DNM1L: variants seen among roughly 807,000 people sequenced by gnomAD.
The protein encoded by DNM1L is dynamin-1-like protein.
Under a neutral mutation model 92.8 loss-of-function variants are expected in DNM1L, and 33 were observed. The observed-to-expected ratio is 0.36, with a 90% confidence interval of 0.27 to 0.48. The LOEUF (loss-of-function observed/expected upper bound fraction) is 0.48. Among genes scored for constraint, DNM1L ranks in the 20% least tolerant of loss-of-function variants. The pLI is 0.99. For synonymous variants in DNM1L, 284 were observed against 305.0 expected, an observed-to-expected ratio of 0.93 and a Z score of 0.72; for missense variants, 485 against 888.8, an observed-to-expected ratio of 0.55 and a Z score of 5.78.
chr12:32,740,524 T>G lies in DNM1L; in HGVS notation c.1994+6T>G. 593 of 1,592,920 alleles carry G rather than the reference T, an allele frequency of 3.7e-4. No individual in the cohort carries two copies. Among genetic ancestry groups the G allele is most frequent in the Non-Finnish European group, 4.6e-4 (537 of 1,162,070 alleles). On this transcript the variant is annotated splice_donor_region_variant and intron_variant, in intron 18 of 19. Transcript: ENST00000549701. ...AGAAAGAATATTCAAGACAGGTTAG[T>G]ATTACTTAATATAAATGACGGACTT...
At chr12:32,679,519 C>T (rs1005980990) in intron 1 of DNM1L, 54 bp downstream of exon 1, 20 of 1,544,266 alleles carry the variant, frequency 1.3e-5, no homozygotes, top group African/African-American at 2.7e-5. Context: ...CAGGCCTGGT[C>T]GGTGCTGCGG....
chr12:32,737,867 T>C lies in DNM1L; in HGVS notation c.1599T>C (p.Ser533=). The change falls in exon 15 of 20, where the codon TCT becomes TCC. Residue 533 remains serine (S), a splice_region_variant and synonymous_variant. Transcript: ENST00000549701. ...ELPSAVSRDK[S]SKVPSALAPA... The stretch of plus-strand genomic sequence containing the variant: ...CCCCCTGGATTTTTTGCCTTTAGTC[T>C]TCTAAAGTTCCAAGTGCTTTGGCAC... 6.2e-7 allele frequency: 1 copy of C among 1,614,052 alleles called. No homozygotes were observed. Among genetic ancestry groups the C allele is most frequent in the Non-Finnish European group, 8.5e-7 (1 of 1,179,938 alleles).
intron 8 of DNM1L, among the ~76,000 whole-genome samples, chr12:32,721,872 A>G (rs1294652731): frequency 6.6e-6 from 1 of 152,164 alleles, no homozygotes; most frequent in African/African-American, 2.4e-5. Flanking sequence ...GAGGTCAGGG[A>G]AACACTACTT....
chr12:32,694,417 T>C (rs1158162100), intron 1 of DNM1L, among the ~76,000 whole-genome samples: 1 of 152,218 alleles, frequency 6.6e-6, no homozygotes, highest in Non-Finnish European at 1.5e-5. Flanking sequence ...CAGGGTCAAA[T>C]AATATGTGGT....
chr12:32,721,196 A>G (rs1360319205), intron 8 of DNM1L, among the ~76,000 whole-genome samples: 1 of 152,182 alleles, frequency 6.6e-6, no homozygotes, highest in Non-Finnish European at 1.5e-5. Flanking sequence ...AAGAAATAGA[A>G]TGTCTTTTAT....
rs1376819522 is a variant in DNM1L at position 32,744,220 on chromosome 12, C to CTTAA, written c.*813_*816dup. 1 of 152,196 alleles carries CTTAA rather than the reference C, an allele frequency of 6.6e-6. No homozygotes were observed. Among genetic ancestry groups the CTTAA allele is most frequent in the Non-Finnish European group, 1.5e-5 (1 of 68,076 alleles). The allele number at this position is 152,196 out of a possible 1,614,324, so 9.4% of individuals were successfully genotyped here. On this transcript the variant is annotated 3_prime_UTR_variant, in exon 20 of 20. Coordinates refer to ENST00000549701, the MANE Select transcript of DNM1L (RefSeq NM_012062.5). ...AAATCAAATGATGACCTAAATTTCC[C>CTTAA]TTAATTTGCAAATACAGTAGTAATT...
At chr12:32,725,030 AATGAAC>A (rs2137469001) in intron 9 of DNM1L, among the ~76,000 whole-genome samples, 1 of 152,060 alleles carries the variant, frequency 6.6e-6, no homozygotes, top group East Asian at 1.9e-4. Flanking sequence ...CCCCAAAGAA[AATGAAC>A]TTTAATTTTT....
At chr12:32,704,993 A>G (rs1253518957) in intron 2 of DNM1L, among the ~76,000 whole-genome samples, 3 of 147,894 alleles carry the variant, frequency 2.0e-5, no homozygotes. Context: ...CAGATATCTC[A>G]GGCAAAGTTT....
chr12:32,711,627 G>A (rs1004136566), intron 5 of DNM1L, among the ~76,000 whole-genome samples: 15 of 151,988 alleles, frequency 9.9e-5, no homozygotes, highest in African/African-American at 3.6e-4. Flanking sequence ...TGGTGCAGTG[G>A]CTTATCCTGT....
At chr12:32,735,809 G>A (rs899284005) in intron 13 of DNM1L, among the ~76,000 whole-genome samples, 14 of 152,008 alleles carry the variant, frequency 9.2e-5, no homozygotes, top group African/African-American at 2.2e-4. Flanking sequence ...TCCAGGAGGC[G>A]GAGGTTGCAG....
chr12:32,686,335 C>T (rs1284140062), intron 1 of DNM1L, among the ~76,000 whole-genome samples: 2 of 152,182 alleles, frequency 1.3e-5, no homozygotes, highest in African/African-American at 4.8e-5. Flanking sequence ...GTGTGAGCCA[C>T]TGTGCCCAGC....
chr12:32,727,457 G>C (rs1042165394), intron 9 of DNM1L: 7 of 658,000 alleles, frequency 1.1e-5, no homozygotes, highest in Non-Finnish European at 1.9e-5. Context: ...GGCAGCAGTG[G>C]TGGTGGGGAG....
chr12:32,716,723 T>TA (rs964968746), intron 6 of DNM1L, among the ~76,000 whole-genome samples: 10 of 141,324 alleles, frequency 7.1e-5, no homozygotes, highest in African/African-American at 2.7e-4. Context: ...ATATATAGAG[T>TA]ATATATACAC....
intron 9 of DNM1L, chr12:32,727,441 A>G (rs1954223398): frequency 1.4e-6 from 1 of 702,742 alleles, no homozygotes; most frequent in Non-Finnish European, 2.6e-6. Context: ...GCAGGCAGTG[A>G]CTCAGGGCAG....
At position 32,737,902 on chromosome 12, in the gene DNM1L, A is replaced by AGGAGCCCTCCCC. The variant is rs776271131; in HGVS notation, c.1635_1646dup (p.Glu546_Pro549dup). The AGGAGCCCTCCCC allele has an allele frequency of 1.9e-6, 3 of 1,613,960 alleles. No homozygotes were observed. In the Admixed American group the frequency reaches 5.0e-5, roughly 27 times the overall value. Reference sequence around the variant, plus strand: ...CCAAGTGCTTTGGCACCTGCCTCCCAGGAGCCCTCCCCCGCTGCTTCTGCT... The same window carrying AGGAGCCCTCCCC: ...CCAAGTGCTTTGGCACCTGCCTCCCAGGAGCCCTCCCCGGAGCCCTCCCCCGCTGCTTCTGCT... On this transcript the variant is annotated inframe_insertion, in exon 15 of 20. Transcript: ENST00000549701.
chr12:32,705,604 T>C (rs546962001), intron 2 of DNM1L: 48 of 435,264 alleles, frequency 1.1e-4, no homozygotes, highest in South Asian at 6.8e-4. Flanking sequence ...AAAAATATTA[T>C]ATACATCCCT....
intron 6 of DNM1L, among the ~76,000 whole-genome samples, chr12:32,714,707 T>G (rs185042927): frequency 7.2e-5 from 11 of 152,126 alleles, no homozygotes; most frequent in Admixed American, 4.6e-4. Flanking sequence ...TAAAGTAGAC[T>G]GGGCTCAGTG....
Position 32,679,667 on chromosome 12 carries a change from G to A in DNM1L, c.102+202G>A, listed in dbSNP as rs1383954812. ...CGGGGCAGCGTTGCATCAAGGCGGA[G>A]AATCCGGGGCCCGGCCAGGGGCGGA... On this transcript the variant is annotated intron_variant, in intron 1 of 19. Transcript: ENST00000549701. 8 of 1,277,496 alleles carry A rather than the reference G, an allele frequency of 6.3e-6. No homozygotes were observed. In the African/African-American group the frequency reaches 9.4e-5, roughly 15 times the overall value. 79.1% of individuals were successfully genotyped at this position (1,277,496 alleles called of 1,614,324 possible). A position where few individuals can be genotyped will look rare whatever the true frequency, so the allele number is the denominator to read the frequency against.
At chr12:32,717,771 T>G (rs1236361564) in intron 6 of DNM1L, among the ~76,000 whole-genome samples, 3 of 121,252 alleles carry the variant, frequency 2.5e-5, no homozygotes, top group Non-Finnish European at 4.8e-5. Flanking sequence ...AAAAAATATA[T>G]ATACCTAGGT....
Sources: gnomAD v4.1 joint callset for allele counts (sites outside exome capture counted in the v4.1 genomes callset) on GRCh38, gnomAD v4.1.1 for gene constraint, MANE v1.5 for transcripts, NCBI Gene and HGNC (gene_info 2026-07-23, HGNC 2026-07-21) for gene names.